ANO4: variants seen among roughly 807,000 people sequenced by gnomAD.
ANO4 encodes the protein anoctamin-4.
A neutral mutation model predicts 141.9 loss-of-function variants in ANO4; 69 were observed. The observed-to-expected ratio is 0.49, with a 90% CI of 0.40 to 0.59. ANO4 has a LOEUF of 0.59. Ranked by LOEUF, ANO4 falls within the 20% of genes least tolerant of loss-of-function variation. The probability of loss-of-function intolerance (pLI) is 0.00; values close to 1 mark genes in which losing one functional copy is unlikely to be tolerated. For synonymous variants in ANO4, 350 were observed against 394.3 expected (o/e 0.89, Z 1.33); for missense variants, 894 against 1,162.2 (o/e 0.77, Z 3.36).
rs896255647 is a variant in ANO4, at chr12:101,040,090, C to G, written c.1019+14C>G. On this transcript the variant is annotated intron_variant, in intron 11 of 27. Transcript: ENST00000392977. Reference sequence around the variant, plus strand: ...GGATCTTGTAAGGTGAGTTTTTAATCAGCTGCAAATATAAAGCTTGCACAG... The same window carrying G: ...GGATCTTGTAAGGTGAGTTTTTAATGAGCTGCAAATATAAAGCTTGCACAG... 6.3e-7 allele frequency: 1 copy of G among 1,598,346 alleles called. No individual in the cohort carries two copies.
intron 14 of ANO4, among the ~76,000 whole-genome samples, chr12:101,057,867 T>C: frequency 6.6e-6 from 1 of 152,222 alleles, no homozygotes; most frequent in Non-Finnish European, 1.5e-5. Flanking sequence ...TTTAGTTTAA[T>C]TAGATCCCAT....
chr12:100,809,386 C>CAA (rs113154732), intron 1 of ANO4, among the ~76,000 whole-genome samples: 3,074 of 137,382 alleles, frequency 0.022, 109 homozygotes, highest in African/African-American at 0.074. Flanking sequence ...GATTCTGTCT[C>CAA]AAAAAAAAAA....
chr12:101,006,180 C>T (rs1028011598), intron 8 of ANO4, among the ~76,000 whole-genome samples: 1 of 152,190 alleles, frequency 6.6e-6, no homozygotes, highest in Non-Finnish European at 1.5e-5. Context: ...ACTTATGCAA[C>T]ATGCTCCCTC....
intron 8 of ANO4, among the ~76,000 whole-genome samples, chr12:101,005,663 A>G (rs1226237167): frequency 6.6e-6 from 1 of 152,236 alleles, no homozygotes. Context: ...AACACAGTAT[A>G]TCAGTGCTTA....
At chr12:100,834,349 A>G (rs929191565) in intron 1 of ANO4, among the ~76,000 whole-genome samples, 7 of 152,138 alleles carry the variant, frequency 4.6e-5, no homozygotes, top group African/African-American at 1.2e-4. Context: ...AGCAGGAGAC[A>G]CAGAAGTCCC....
At chr12:101,097,563 C>A in intron 19 of ANO4, 88 bp from the exon 20 acceptor site, 1 of 1,271,506 alleles carries the variant, frequency 7.9e-7, no homozygotes, top group Non-Finnish European at 1.1e-6. Context: ...CAGTCATTCA[C>A]ATTGGAGAAT....
intron 14 of ANO4, among the ~76,000 whole-genome samples, chr12:101,050,330 A>G (rs1288360617): frequency 1.3e-5 from 2 of 152,012 alleles, no homozygotes; most frequent in Non-Finnish European, 2.9e-5. Flanking sequence ...CAGGCCATGT[A>G]TTTTTTCCTG....
intron 2 of ANO4, among the ~76,000 whole-genome samples, chr12:100,906,903 G>A (rs564393388): frequency 6.6e-6 from 1 of 152,256 alleles, no homozygotes; most frequent in African/African-American, 2.4e-5. Flanking sequence ...AGAGCCACAG[G>A]GAAGCATGAC....
intron 1 of ANO4, among the ~76,000 whole-genome samples, chr12:100,841,160 A>AC (rs1025611704): frequency 1.3e-5 from 2 of 152,198 alleles, no homozygotes; most frequent in Non-Finnish European, 2.9e-5. Context: ...TGGTAAATAC[A>AC]CTTGGGAAAT....
At chr12:101,072,527 T>C (rs1400359826) in intron 14 of ANO4, among the ~76,000 whole-genome samples, 2 of 152,170 alleles carry the variant, frequency 1.3e-5, no homozygotes, top group Non-Finnish European at 2.9e-5. Flanking sequence ...GTCATAGGCA[T>C]GGGCAAAGAC....
At chr12:101,017,299 AC>A (rs1243727175) in intron 8 of ANO4, among the ~76,000 whole-genome samples, 1 of 152,166 alleles carries the variant, frequency 6.6e-6, no homozygotes, top group Non-Finnish European at 1.5e-5. Context: ...AGACTTACTC[AC>A]TATCACAAGA....
chr12:101,081,907 G>T (rs2049294554), intron 15 of ANO4, among the ~76,000 whole-genome samples: 1 of 151,998 alleles, frequency 6.6e-6, no homozygotes, highest in Non-Finnish European at 1.5e-5. Context: ...ATTGGAGTAG[G>T]GTCCACCCTA....
chr12:100,752,682 A>G (rs1179436533), intron 3 of ANO4, among the ~76,000 whole-genome samples: 1 of 152,134 alleles, frequency 6.6e-6, no homozygotes, highest in East Asian at 1.9e-4. Context: ...TTCATTTCAA[A>G]ACATCTATGG....
intron 7 of ANO4, among the ~76,000 whole-genome samples, chr12:100,982,176 C>T (rs2044496744): frequency 6.6e-6 from 1 of 152,148 alleles, no homozygotes; most frequent in African/African-American, 2.4e-5. Flanking sequence ...ATCCATTTTC[C>T]CTTTATTGAT....
At chr12:101,002,003 T>C (rs571546343) in intron 8 of ANO4, among the ~76,000 whole-genome samples, 5 of 152,316 alleles carry the variant, frequency 3.3e-5, no homozygotes, top group African/African-American at 1.2e-4. Context: ...CACCACTGTG[T>C]GTTGACCAAC....
chr12:100,977,970 C>T (rs1331547472), intron 7 of ANO4, among the ~76,000 whole-genome samples: 2 of 152,204 alleles, frequency 1.3e-5, no homozygotes, highest in Non-Finnish European at 2.9e-5. Flanking sequence ...TCTGGAAGAT[C>T]CTTTCCTTTA....
chr12:100,741,575 A>G (rs936087169), intron 3 of ANO4, among the ~76,000 whole-genome samples: 10 of 152,090 alleles, frequency 6.6e-5, no homozygotes, highest in African/African-American at 2.4e-4. Context: ...CTTTAGTCAA[A>G]TGGCTGAATT....
At chr12:101,004,648 T>C (rs1256211593) in intron 8 of ANO4, among the ~76,000 whole-genome samples, 2 of 152,118 alleles carry the variant, frequency 1.3e-5, no homozygotes, top group Non-Finnish European at 2.9e-5. Context: ...CAGAGATAAC[T>C]TAATAGACAG....
At chr12:101,020,647 G>A (rs2046488557) in intron 9 of ANO4, among the ~76,000 whole-genome samples, 1 of 152,164 alleles carries the variant, frequency 6.6e-6, no homozygotes, top group African/African-American at 2.4e-5. Flanking sequence ...GGAAGATCGA[G>A]GGGTAGGGTG....
Sources: allele counts gnomAD v4.1 joint callset (sites outside exome capture counted in the v4.1 genomes callset), GRCh38; gene constraint gnomAD v4.1.1; transcripts MANE v1.5; gene names NCBI Gene and HGNC (gene_info 2026-07-23, HGNC 2026-07-21).